Variants in MCUB observed in about 807,000 individuals in gnomAD.
The protein encoded by MCUB is calcium uniporter regulatory subunit MCUb, mitochondrial.
MCUB carries 46 observed loss-of-function variants against 41.4 expected under a neutral mutation model. The observed-to-expected ratio is 1.11, with a 90% CI of 0.88 to 1.42. The LOEUF (loss-of-function observed/expected upper bound fraction) is 1.42. MCUB is among the 40% of genes most tolerant of loss of function. The pLI, the probability that MCUB is intolerant of heterozygous loss-of-function variation, is 0.00. For synonymous variants in MCUB, 148 were observed against 148.2 expected (o/e 1.00, Z 0.01); for missense variants, 403 against 404.9 (o/e 1.00, Z 0.04).
intron 1 of MCUB, among the ~76,000 whole-genome samples, chr4:109,591,847 C>T (rs547532452): frequency 1.8e-4 from 28 of 151,808 alleles, no homozygotes; most frequent in African/African-American, 5.8e-4. Flanking sequence ...TACAGGCATG[C>T]GCCACCACAC....
chr4:109,577,598 C>CTTTTTT (rs71594195), intron 1 of MCUB, among the ~76,000 whole-genome samples: 3 of 48,662 alleles, frequency 6.2e-5, no homozygotes, highest in Admixed American at 2.2e-4. Flanking sequence ...TACTTGAATT[C>CTTTTTT]TTTTTTTTTT....
chr4:109,580,558 T>A (rs1163908980), intron 1 of MCUB, among the ~76,000 whole-genome samples: 2 of 152,274 alleles, frequency 1.3e-5, no homozygotes, highest in African/African-American at 4.8e-5. Context: ...CCTGACTTTT[T>A]AATGATTGCC....
chr4:109,604,089 A>T (rs542099109), intron 1 of MCUB, among the ~76,000 whole-genome samples: 19 of 152,016 alleles, frequency 1.2e-4, no homozygotes, highest in African/African-American at 4.3e-4. Context: ...CCTTACCCCC[A>T]ACCCCGTGCT....
chr4:109,660,167 C>CT (rs1206117196), intron 2 of MCUB, 28 bp from the exon 3 acceptor site: 2 of 953,986 alleles, frequency 2.1e-6, no homozygotes, highest in Admixed American at 6.4e-5. Flanking sequence ...AAAATTTACT[C>CT]ATTTTTTTTT....
chr4:109,631,857 G>A (rs1728480992), intron 1 of MCUB, among the ~76,000 whole-genome samples: 1 of 152,088 alleles, frequency 6.6e-6, no homozygotes, highest in Non-Finnish European at 1.5e-5. Context: ...CTCCCCACCT[G>A]CAGGCTGTTT....
chr4:109,679,404 G>A (rs1179118606), intron 4 of MCUB, among the ~76,000 whole-genome samples: 4 of 152,196 alleles, frequency 2.6e-5, no homozygotes, highest in East Asian at 3.9e-4. Flanking sequence ...CCAGCACCTC[G>A]GGAGGCCGAG....
intron 4 of MCUB, among the ~76,000 whole-genome samples, chr4:109,669,039 T>C (rs1300629565): frequency 6.6e-6 from 1 of 152,140 alleles, no homozygotes; most frequent in Admixed American, 6.5e-5. Flanking sequence ...CATTATTCTT[T>C]TGAACCGACT....
chr4:109,670,170 G>A (rs1036663715), intron 4 of MCUB, among the ~76,000 whole-genome samples: 2 of 152,200 alleles, frequency 1.3e-5, no homozygotes, highest in African/African-American at 4.8e-5. Flanking sequence ...AAGGTATGGA[G>A]GGGAAGTGTT....
Position 109,685,230 on chromosome 4 carries a change from CTCTCTCTCTTT to C in MCUB, c.817-19_817-9del. 1.1e-6 allele frequency: 1 copy of C among 915,090 alleles called. No individual in the cohort carries two copies. Among genetic ancestry groups the C allele is most frequent in the Non-Finnish European group, 1.7e-6 (1 of 594,716 alleles). The allele number at this position is 915,090 out of a possible 1,614,324, so 56.7% of individuals were successfully genotyped here. A position where few individuals can be genotyped will look rare whatever the true frequency, so the allele number is the denominator to read the frequency against. On this transcript the variant is annotated splice_polypyrimidine_tract_variant and intron_variant, in intron 6 of 7. Transcript: ENST00000394650. ...TTCATTCAAAACATGTTGTTTTCTT[CTCTCTCTCTTT>C]TTTTTTAAGGATTATACTTACTCAG...
chr4:109,609,384 A>G (rs914636856), intron 1 of MCUB, among the ~76,000 whole-genome samples: 2 of 152,190 alleles, frequency 1.3e-5, no homozygotes, highest in Admixed American at 1.3e-4. Context: ...TGACTTCCTG[A>G]CATTGCTATG....
intron 1 of MCUB, among the ~76,000 whole-genome samples, chr4:109,622,626 T>C (rs189884684): frequency 3.9e-5 from 6 of 152,358 alleles, no homozygotes; most frequent in African/African-American, 1.4e-4. Flanking sequence ...GATTGTAATT[T>C]TGATAAAATC....
chr4:109,629,929 G>A (rs1167759459), intron 1 of MCUB, among the ~76,000 whole-genome samples: 3 of 152,136 alleles, frequency 2.0e-5, no homozygotes, highest in Non-Finnish European at 4.4e-5. Context: ...ATTGGGCAGT[G>A]GGGCTGAAAG....
chr4:109,643,115 G>A (rs1480548979), intron 1 of MCUB, among the ~76,000 whole-genome samples: 2 of 151,068 alleles, frequency 1.3e-5, no homozygotes, highest in African/African-American at 2.4e-5. Flanking sequence ...ATTTTAATAC[G>A]GGAAACAACT....
rs193269352 is a variant in MCUB at position 109,591,988 on chromosome 4, C to T, written c.99+31552C>T. Reference sequence around the variant, plus strand: ...GTGCTAGGATTACAGGCGTGAGCCACGACGCCCAGCCTCTCGAGTATTTTC... The same window carrying T: ...GTGCTAGGATTACAGGCGTGAGCCATGACGCCCAGCCTCTCGAGTATTTTC... On this transcript the variant is annotated intron_variant, in intron 1 of 7. Coordinates refer to ENST00000394650, the MANE Select transcript of MCUB (RefSeq NM_017918.5). Among the ~76,000 whole-genome samples, 899 of 152,274 alleles carry T rather than the reference C, an allele frequency of 5.9e-3. 29 individuals are homozygous for T. In the South Asian group the frequency reaches 0.072, roughly 12 times the overall value.
intron 1 of MCUB, among the ~76,000 whole-genome samples, chr4:109,652,754 ACAAT>A (rs1436211397): frequency 1.3e-5 from 2 of 152,238 alleles, no homozygotes; most frequent in Non-Finnish European, 2.9e-5. Context: ...TCTGGGGGAC[ACAAT>A]CAAATCACAG....
chr4:109,679,690 G>A (rs114972412), intron 4 of MCUB, among the ~76,000 whole-genome samples: 157 of 152,324 alleles, frequency 1.0e-3, no homozygotes, highest in African/African-American at 3.4e-3. Context: ...CTGTGGTATC[G>A]TGTTATAGAA....
chr4:109,597,356 G>T (rs1240194160), intron 1 of MCUB, among the ~76,000 whole-genome samples: 2 of 148,766 alleles, frequency 1.3e-5, no homozygotes, highest in African/African-American at 5.0e-5. Context: ...CTGGCCGGGC[G>T]GGGGGCTGAC....
intron 1 of MCUB, among the ~76,000 whole-genome samples, chr4:109,604,322 T>C (rs1478766216): frequency 6.6e-6 from 1 of 151,988 alleles, no homozygotes; most frequent in Non-Finnish European, 1.5e-5. Context: ...CTCTCCACTA[T>C]TGTCCTGTGA....
intron 1 of MCUB, among the ~76,000 whole-genome samples, chr4:109,576,187 C>A (rs1377145216): frequency 1.3e-5 from 2 of 152,210 alleles, no homozygotes; most frequent in Admixed American, 6.5e-5. Flanking sequence ...TTCCCAACCT[C>A]AATATAACAC....
Sources: allele counts gnomAD v4.1 joint callset (sites outside exome capture counted in the v4.1 genomes callset), GRCh38; gene constraint gnomAD v4.1.1; transcripts MANE v1.5; gene names NCBI Gene and HGNC (gene_info 2026-07-23, HGNC 2026-07-21).